DNAJC11: variants seen among roughly 807,000 people sequenced by gnomAD.
DNAJC11 encodes the protein dnaJ homolog subfamily C member 11.
A neutral mutation model predicts 78.6 loss-of-function variants in DNAJC11; 15 were observed. The observed-to-expected ratio is 0.19, with a 90% CI of 0.13 to 0.29. DNAJC11 has a LOEUF of 0.29. DNAJC11 is among the 10% of genes least tolerant of loss of function. The pLI is 1.00. For missense variants in DNAJC11, 547 were observed against 709.6 expected, an observed-to-expected ratio of 0.77 and a Z score of 2.60; for synonymous variants, 292 against 272.1, an observed-to-expected ratio of 1.07 and a Z score of -0.72.
At chr1:6,686,763 T>C (rs546945146) in intron 1 of DNAJC11, among the ~76,000 whole-genome samples, 1 of 152,264 alleles carries the variant, frequency 6.6e-6, no homozygotes, top group African/African-American at 2.4e-5. Context: ...TTTGATACTT[T>C]GAAGACTGAA....
chr1:6,665,032 G>A (rs149169964), intron 4 of DNAJC11, among the ~76,000 whole-genome samples: 21 of 152,164 alleles, frequency 1.4e-4, no homozygotes, highest in Non-Finnish European at 2.8e-4. Context: ...TCTGTGGGGG[G>A]TCCAGCTGAC....
rs769182627 is a variant in DNAJC11 at position 6,637,210 on chromosome 1, C to T, written c.1512G>A (p.Thr504=). The change falls in exon 14 of 16, where the codon ACG becomes ACA. Residue 504 remains threonine, a synonymous_variant. Transcript: ENST00000377577. The part of the protein sequence containing the change: ...CLVKDSKLIL[T]EASKAGLPGF... Reference sequence around the variant, plus strand: ...GGTGCTGCTGTACCTTGGAGGCCTCCGTGAGGATGAGCTTCGAGTCCTTCA... The same window carrying T: ...GGTGCTGCTGTACCTTGGAGGCCTCTGTGAGGATGAGCTTCGAGTCCTTCA... 5.6e-6 allele frequency: 9 copies of T among 1,614,056 alleles called. No homozygotes were observed. Among genetic ancestry groups the T allele is most frequent in the East Asian group, 4.5e-5 (2 of 44,896 alleles).
chr1:6,657,660 T>C (rs932284939), intron 4 of DNAJC11, among the ~76,000 whole-genome samples: 1 of 152,234 alleles, frequency 6.6e-6, no homozygotes, highest in African/African-American at 2.4e-5. Flanking sequence ...TCCTACTCTT[T>C]TTGAGATGGA....
chr1:6,669,578 G>GAAAAGAAAAGAAA (rs1557480334), intron 3 of DNAJC11, among the ~76,000 whole-genome samples: 7 of 135,126 alleles, frequency 5.2e-5, no homozygotes, highest in African/African-American at 2.0e-4. Flanking sequence ...AAGAAAAGAA[G>GAAAAGAAAAGAAA]GCATTTCAAT....
intron 1 of DNAJC11, among the ~76,000 whole-genome samples, chr1:6,701,374 G>C (rs1271327285): frequency 2.6e-5 from 4 of 152,180 alleles, no homozygotes; most frequent in East Asian, 3.9e-4. Flanking sequence ...ACGAGTATGT[G>C]GGCTGAGCGC....
In DNAJC11 at chr1:6,641,404, T is replaced by C. The variant is rs12090718; in HGVS notation, c.1098-1347A>G. ...AAAAAAAAAAAAATATATATATATA[T>C]ATACACACACACACACACACACACA... is the stretch of plus-strand genomic sequence containing the variant. On this transcript the variant is annotated intron_variant, in intron 10 of 15. Transcript: ENST00000377577. Among the ~76,000 whole-genome samples the C allele has an allele frequency of 3.0e-3, 296 of 100,168 alleles. 2 individuals are homozygous for C. The highest frequency in any genetic ancestry group is 6.3e-3 in the African/African-American group (194 of 30,642). 65.7% of individuals were successfully genotyped at this position (100,168 alleles called of 152,430 possible).
At chr1:6,651,732 G>A in intron 6 of DNAJC11, 130 bp from the exon 7 acceptor site, 1 of 689,508 alleles carries the variant, frequency 1.5e-6, no homozygotes, top group Non-Finnish European at 2.5e-6. Flanking sequence ...TCTAAAAGAA[G>A]GGGGTGGAAG....
At chr1:6,648,314 C>T (rs1641998973) in intron 7 of DNAJC11, among the ~76,000 whole-genome samples, 1 of 152,152 alleles carries the variant, frequency 6.6e-6, no homozygotes, top group African/African-American at 2.4e-5. Context: ...CACCACCACG[C>T]CTGGCTAATT....
At chr1:6,644,771 C>A in intron 9 of DNAJC11, 97 bp from the exon 10 acceptor site, 1 of 1,035,744 alleles carries the variant, frequency 9.7e-7, no homozygotes, top group East Asian at 2.4e-5. Flanking sequence ...CCCTTCCCTC[C>A]CTCCAGCCTC....
chr1:6,666,057 C>A (rs1642289008), intron 4 of DNAJC11, among the ~76,000 whole-genome samples: 1 of 152,220 alleles, frequency 6.6e-6, no homozygotes, highest in Non-Finnish European at 1.5e-5. Flanking sequence ...CAAAAGGTAA[C>A]CCTGCACTTC....
intron 12 of DNAJC11, 95 bp downstream of exon 12, chr1:6,638,200 A>C: frequency 2.2e-5 from 27 of 1,254,212 alleles, no homozygotes; most frequent in Non-Finnish European, 2.9e-5. Context: ...TTGTTGGAGA[A>C]GAGAAGTCTG....
chr1:6,658,664 T>C (rs1642165608), intron 4 of DNAJC11, among the ~76,000 whole-genome samples: 1 of 151,916 alleles, frequency 6.6e-6, no homozygotes, highest in Non-Finnish European at 1.5e-5. Context: ...AAAAAAAAAT[T>C]CCCCATATCT....
chr1:6,641,925 T>C (rs906664469), intron 10 of DNAJC11, among the ~76,000 whole-genome samples: 13 of 152,144 alleles, frequency 8.5e-5, no homozygotes, highest in Middle Eastern at 3.4e-3. Flanking sequence ...TCGTTGGAGA[T>C]TGAACATGGC....
Position 6,655,353 on chromosome 1 carries a change from G to T in DNAJC11, c.379-1314C>A, listed in dbSNP as rs200936269. ...ACTAGAAACATCCTTAGAATTAGTT[G>T]TAGTGATACGCATAATGCATAATTG... is the stretch of plus-strand genomic sequence containing the variant. On this transcript the variant is annotated intron_variant, in intron 4 of 15. Coordinates refer to ENST00000377577, the MANE Select transcript of DNAJC11 (RefSeq NM_018198.4). Among the ~76,000 whole-genome samples, 16 of 152,310 alleles carry T rather than the reference G, an allele frequency of 1.1e-4. No homozygotes were observed. The East Asian group carries it at 3.1e-3, about 29-fold the overall frequency.
chr1:6,660,323 A>G (rs1005682655), intron 4 of DNAJC11, among the ~76,000 whole-genome samples: 101 of 151,656 alleles, frequency 6.7e-4, no homozygotes, highest in African/African-American at 2.3e-3. Flanking sequence ...AGCCCGGCTA[A>G]TTTTTGTATT....
rs1394324185 is a variant in DNAJC11, at chr1:6,639,891, T to G, written c.1253+11A>C. The G allele has an allele frequency of 6.2e-7, 1 of 1,611,638 alleles. No individual in the cohort carries two copies. Among genetic ancestry groups the G allele is most frequent in the Non-Finnish European group, 8.5e-7 (1 of 1,179,088 alleles). Reference sequence around the variant, plus strand: ...GCTGGCTAGTGACATGCCCATGACGTGTCAACTCACTTCTCTTTCTGAGCC... The same window carrying G: ...GCTGGCTAGTGACATGCCCATGACGGGTCAACTCACTTCTCTTTCTGAGCC... On this transcript the variant is annotated intron_variant, in intron 11 of 15. Coordinates refer to ENST00000377577, the MANE Select transcript of DNAJC11 (RefSeq NM_018198.4).
rs112747689 is a variant in DNAJC11, at chr1:6,644,791, C to T, written c.981-117G>A. 260 of 912,656 alleles carry T rather than the reference C, an allele frequency of 2.8e-4. No homozygotes were observed. In the African/African-American group the frequency reaches 3.7e-3, roughly 13 times the overall value. The allele number at this position is 912,656 out of a possible 1,614,324, so 56.5% of individuals were successfully genotyped here. A position where few individuals can be genotyped will look rare whatever the true frequency, so the allele number is the denominator to read the frequency against. ...CCCTCCCTCCAGCCTCCTCGACCCC[C>T]AGGGAGCAGATTCATGACAGAAGAA... On this transcript the variant is annotated intron_variant, in intron 9 of 15. Transcript: ENST00000377577.
intron 10 of DNAJC11, among the ~76,000 whole-genome samples, chr1:6,641,435 AC>A (rs2148728157): frequency 1.4e-5 from 2 of 148,036 alleles, no homozygotes; most frequent in East Asian, 4.0e-4. Context: ...ACACACACAA[AC>A]AGAGACAGGT....
At chr1:6,646,610 G>C (rs1557469213) in intron 7 of DNAJC11, among the ~76,000 whole-genome samples, 1 of 152,178 alleles carries the variant, frequency 6.6e-6, no homozygotes, top group Admixed American at 6.5e-5. Context: ...CTGGGTACTA[G>C]TGACAGAAAC....
Sources: gnomAD v4.1 joint callset for allele counts (sites outside exome capture counted in the v4.1 genomes callset) on GRCh38, gnomAD v4.1.1 for gene constraint, MANE v1.5 for transcripts, NCBI Gene and HGNC (gene_info 2026-07-23, HGNC 2026-07-21) for gene names.